The following ZNF469 variants were observed in gnomAD, a reference collection of about 807,000 sequenced individuals.
The protein encoded by ZNF469 is zinc finger protein 469.
In ZNF469, 1 loss-of-function variant was observed where a neutral mutation model predicts 1.0. The ratio of observed to expected loss-of-function variants is 1.00; its 90% CI spans 0.35 to 4.73. The LOEUF (loss-of-function observed/expected upper bound fraction) is 4.73. Ranked by LOEUF, ZNF469 falls within the 30% of genes most tolerant of loss-of-function variation. The pLI is 0.16. For synonymous variants in ZNF469, 2,703 were observed against 2,363.4 expected, an observed-to-expected ratio of 1.14 and a Z score of -4.17; for missense variants, 6,100 against 5,356.3, an observed-to-expected ratio of 1.14 and a Z score of -4.33.
chr16:88,381,035 C>A (rs1446076366), upstream of ZNF469, among the ~76,000 whole-genome samples: 1 of 149,166 alleles, frequency 6.7e-6, no homozygotes, highest in Non-Finnish European at 1.5e-5. Context: ...TGCACTCACA[C>A]ACATGCACTC....
chr16:88,266,228 C>T, the ZNF469 span, among the ~76,000 whole-genome samples: 2 of 152,220 alleles, frequency 1.3e-5, no homozygotes, highest in African/African-American at 2.4e-5. Flanking sequence ...ACTGGGAGGC[C>T]GGGTTCACGC....
At chr16:88,186,886 G>A in the ZNF469 span, among the ~76,000 whole-genome samples, 10 of 152,040 alleles carry the variant, frequency 6.6e-5, no homozygotes, top group Non-Finnish European at 1.0e-4. Flanking sequence ...AGCTGCAGAG[G>A]AGCTGGCTGC....
At chr16:88,252,813 A>G in the ZNF469 span, among the ~76,000 whole-genome samples, 1 of 152,152 alleles carries the variant, frequency 6.6e-6, no homozygotes, top group African/African-American at 2.4e-5. Context: ...ATATGAAGAC[A>G]TAGAACGTTT....
the ZNF469 span, among the ~76,000 whole-genome samples, chr16:88,124,573 T>C: frequency 1.0e-5 from 1 of 97,200 alleles, no homozygotes; most frequent in African/African-American, 3.3e-5. Context: ...TAGAAGTGTT[T>C]TCTGTTTGTT....
chr16:88,332,606 C>T, the ZNF469 span, among the ~76,000 whole-genome samples: 78 of 152,254 alleles, frequency 5.1e-4, no homozygotes, highest in African/African-American at 1.9e-3. Flanking sequence ...CAGGCAGCCA[C>T]CTGGCATAGG....
chr16:88,229,334 G>A, the ZNF469 span, among the ~76,000 whole-genome samples: 2 of 152,350 alleles, frequency 1.3e-5, no homozygotes, highest in South Asian at 2.1e-4. Flanking sequence ...ACTCCTGGGA[G>A]TAAAAAGCTG....
the ZNF469 span, among the ~76,000 whole-genome samples, chr16:88,249,745 A>AT: frequency 1.3e-5 from 2 of 152,014 alleles, no homozygotes; most frequent in Admixed American, 6.5e-5. Flanking sequence ...CAATTTTTTA[A>AT]TTTTTTTATA....
chr16:88,307,663 G>A, the ZNF469 span, among the ~76,000 whole-genome samples: 762 of 152,260 alleles, frequency 5.0e-3, 2 homozygotes, highest in Non-Finnish European at 8.9e-3. Context: ...TATCTACTCA[G>A]ACCCTTCACC....
chr16:88,140,371 G>A, the ZNF469 span, among the ~76,000 whole-genome samples: 2 of 149,780 alleles, frequency 1.3e-5, no homozygotes, highest in Non-Finnish European at 1.5e-5. Flanking sequence ...CGTAGAAATC[G>A]GGGGGTAGCA....
the ZNF469 span, among the ~76,000 whole-genome samples, chr16:88,310,471 G>A: frequency 3.3e-5 from 5 of 152,088 alleles, no homozygotes; most frequent in Non-Finnish European, 7.3e-5. Flanking sequence ...GGAACCATTT[G>A]CACACAAAAG....
chr16:88,323,058 A>G, the ZNF469 span, among the ~76,000 whole-genome samples: 1 of 152,184 alleles, frequency 6.6e-6, no homozygotes, highest in Non-Finnish European at 1.5e-5. Context: ...GACAGTGTGG[A>G]TGGCACATGA....
chr16:88,296,407 C>G, the ZNF469 span, among the ~76,000 whole-genome samples: 1 of 151,954 alleles, frequency 6.6e-6, no homozygotes, highest in Non-Finnish European at 1.5e-5. Context: ...CACATATGTG[C>G]ACACCCATGC....
At chr16:88,255,677 C>T in the ZNF469 span, among the ~76,000 whole-genome samples, 1 of 152,326 alleles carries the variant, frequency 6.6e-6, no homozygotes, top group East Asian at 1.9e-4. Context: ...AGTGCCTCAA[C>T]AGTCCGAGAC....
the ZNF469 span, among the ~76,000 whole-genome samples, chr16:88,298,936 C>G: frequency 2.6e-5 from 4 of 152,214 alleles, no homozygotes; most frequent in Middle Eastern, 3.2e-3. Context: ...GTGGTGAGCT[C>G]TCTGAGACCT....
At chr16:88,257,211 G>A in the ZNF469 span, among the ~76,000 whole-genome samples, 34 of 149,994 alleles carry the variant, frequency 2.3e-4, no homozygotes, top group Middle Eastern at 3.5e-3. Context: ...TGATCTGCCT[G>A]CCTTGGCATC....
the ZNF469 span, among the ~76,000 whole-genome samples, chr16:88,146,224 TCAGA>T: frequency 6.6e-6 from 1 of 152,206 alleles, no homozygotes; most frequent in Non-Finnish European, 1.5e-5. Context: ...GACTCAGGAC[TCAGA>T]CAGTGCCTGG....
the ZNF469 span, among the ~76,000 whole-genome samples, chr16:88,143,389 C>T: frequency 1.2e-4 from 18 of 152,138 alleles, no homozygotes; most frequent in African/African-American, 3.6e-4. Context: ...GGGTGCAGAG[C>T]GGGCTGGGGC....
At chr16:88,413,391 G>A (rs550954761) in intron 1 of ZNF469, among the ~76,000 whole-genome samples, 10 of 152,282 alleles carry the variant, frequency 6.6e-5, no homozygotes, top group African/African-American at 2.4e-4. Flanking sequence ...GAACGCAGGA[G>A]TGAGGAGACA....
the ZNF469 span, chr16:88,302,513 C>G: frequency 2.0e-5 from 3 of 152,352 alleles, no homozygotes; most frequent in East Asian, 3.9e-4. Flanking sequence ...AGAACGTGTT[C>G]CGGCCACCTC....
Sources: allele counts gnomAD v4.1 joint callset (sites outside exome capture counted in the v4.1 genomes callset), GRCh38; gene constraint gnomAD v4.1.1; transcripts MANE v1.5; gene names NCBI Gene and HGNC (gene_info 2026-07-23, HGNC 2026-07-21).